Variants in POGK observed in about 807,000 individuals in gnomAD.
POGK encodes the protein pogo transposable element with KRAB domain.
POGK carries 16 observed loss-of-function variants against 54.4 expected under a neutral mutation model. The observed-to-expected ratio is 0.29, with a 90% CI of 0.20 to 0.45. POGK has a LOEUF of 0.45. Among genes scored for constraint, POGK ranks in the 20% least tolerant of loss-of-function variants. The probability of loss-of-function intolerance (pLI) is 1.00; values close to 1 mark genes in which losing one functional copy is unlikely to be tolerated. For missense variants in POGK, 515 were observed against 795.6 expected (o/e 0.65, Z 4.24); for synonymous variants, 271 against 302.2 (o/e 0.90, Z 1.07).
chr1:166,847,345 T>C (rs759612177), intron 3 of POGK, 149 bp from the exon 4 acceptor site: 1 of 601,740 alleles, frequency 1.7e-6, no homozygotes, highest in Non-Finnish European at 2.9e-6. Context: ...TTTTCCATTA[T>C]CTTTTTTCTT....
chr1:166,848,490 G>A (rs1473031255), intron 4 of POGK, among the ~76,000 whole-genome samples: 3 of 152,186 alleles, frequency 2.0e-5, no homozygotes, highest in Non-Finnish European at 4.4e-5. Flanking sequence ...TGGTTCTAAA[G>A]GGATATGATT....
chr1:166,845,292 A>T (rs1657798980), intron 2 of POGK, among the ~76,000 whole-genome samples: 1 of 147,216 alleles, frequency 6.8e-6, no homozygotes, highest in Non-Finnish European at 1.5e-5. Flanking sequence ...CAGGAGGCAG[A>T]GGTTGCAGTG....
At chr1:166,839,984 C>G (rs1185839108) in intron 1 of POGK, 3 of 152,276 alleles carry the variant, frequency 2.0e-5, no homozygotes, top group Non-Finnish European at 2.9e-5. Context: ...GCGGCCCCTC[C>G]CACCTCTGCC....
Position 166,849,163 on chromosome 1 carries a change from G to C in POGK, c.584G>C (p.Gly195Ala), listed in dbSNP as rs1657958776. ...DIAGKFQFSR[G>A]MRRSYDAGFK... The stretch of plus-strand genomic sequence containing the variant: ...GCTGGGAAGTTTCAGTTCAGCCGGG[G>C]CATGCGCCGCAGTTACGACGCAGGG... Residue 195 changes from glycine to alanine, a missense_variant, in exon 5 of 6, where the codon GGC becomes GCC. Gly to Ala is a moderately conservative substitution (Grantham distance 60). This residue lies in a region of POGK where 461 missense variants were observed against 743.5 expected (regional missense o/e 0.62). Coordinates refer to ENST00000367876, the MANE Select transcript of POGK (RefSeq NM_017542.5). 3 of 1,614,230 alleles carry C rather than the reference G, an allele frequency of 1.9e-6. No individual in the cohort carries two copies. The highest frequency in any genetic ancestry group is 1.7e-5 in the Admixed American group (1 of 60,036).
At chr1:166,846,528 G>A (rs1657855022) in intron 2 of POGK, 84 bp from the exon 3 acceptor site, 2 of 1,555,168 alleles carry the variant, frequency 1.3e-6, no homozygotes, top group Admixed American at 1.7e-5. Flanking sequence ...GGCTGTGCTG[G>A]GCTGTCTGTA....
chr1:166,842,003 TAA>T (rs1348133144), intron 2 of POGK, among the ~76,000 whole-genome samples: 1 of 143,052 alleles, frequency 7.0e-6, no homozygotes, highest in African/African-American at 2.6e-5. Context: ...TACCTTAATT[TAA>T]AAAAAAAAAA....
At chr1:166,852,381 G>A (rs1426531627) in intron 5 of POGK, 1 of 152,216 alleles carries the variant, frequency 6.6e-6, no homozygotes, top group East Asian at 1.9e-4. Flanking sequence ...TGCTCTTCTA[G>A]TCTGCCACAA....
Position 166,855,189 on chromosome 1 carries a change from C to T in POGK, c.*2619C>T, listed in dbSNP as rs370397452. The T allele has an allele frequency of 4.6e-5, 7 of 152,214 alleles. No individual in the cohort carries two copies. Among genetic ancestry groups the T allele is most frequent in the East Asian group, 1.9e-4 (1 of 5,184 alleles). The allele number at this position is 152,214 out of a possible 1,614,324, so 9.4% of individuals were successfully genotyped here. A position where few individuals can be genotyped will look rare whatever the true frequency, so the allele number is the denominator to read the frequency against. ...CAGAACAACAAAAGAACATGCTAAG[C>T]GAGTCCTCCCACCTGCCTGGTAAAA... On this transcript the variant is annotated 3_prime_UTR_variant, in exon 6 of 6. Transcript: ENST00000367876.
At position 166,850,419 on chromosome 1, in the gene POGK, G is replaced by T. The variant is rs761257479; in HGVS notation, c.*10G>T. On this transcript the variant is annotated 3_prime_UTR_variant, in exon 5 of 6. Coordinates refer to ENST00000367876, the MANE Select transcript of POGK (RefSeq NM_017542.5). The stretch of plus-strand genomic sequence containing the variant: ...GGCTGAGAGCAACTGAAGGGAAAGG[G>T]AAAGGTAACCACTCAGGAGTAGATA... The T allele has an allele frequency of 1.3e-6, 2 of 1,594,188 alleles. No homozygotes were observed. The highest frequency in any genetic ancestry group is 4.5e-5 in the East Asian group (2 of 44,862).
intron 2 of POGK, among the ~76,000 whole-genome samples, chr1:166,841,900 C>T (rs1162134107): frequency 6.6e-6 from 1 of 152,078 alleles, no homozygotes; most frequent in Non-Finnish European, 1.5e-5. Flanking sequence ...CTGCCTTGCC[C>T]TAAGGTTACA....
intron 3 of POGK, 151 bp downstream of exon 3, chr1:166,846,889 T>G: frequency 9.1e-7 from 1 of 1,101,276 alleles, no homozygotes; most frequent in Non-Finnish European, 1.3e-6. Context: ...ATTTTTGATT[T>G]GGGCAGTATA....
intron 1 of POGK, 118 bp from the exon 2 acceptor site, chr1:166,840,837 C>T (rs1270316522): frequency 1.5e-6 from 2 of 1,304,962 alleles, no homozygotes; most frequent in Non-Finnish European, 2.1e-6. Context: ...TTACTTCCCT[C>T]CAGCGGGAAC....
intron 2 of POGK, among the ~76,000 whole-genome samples, chr1:166,842,418 A>G (rs543564352): frequency 6.6e-6 from 1 of 152,354 alleles, no homozygotes; most frequent in African/African-American, 2.4e-5. Flanking sequence ...ACAGTTACCA[A>G]GCACAGTGCT....
At position 166,850,427 on chromosome 1, in the gene POGK, A is replaced by G; in HGVS notation, c.*14+4A>G. 1 of 1,586,066 alleles carries G rather than the reference A, an allele frequency of 6.3e-7. No individual in the cohort carries two copies. Among genetic ancestry groups the G allele is most frequent in the Non-Finnish European group, 8.5e-7 (1 of 1,170,732 alleles). On this transcript the variant is annotated splice_donor_region_variant and intron_variant, in intron 5 of 5. Transcript: ENST00000367876. ...GCAACTGAAGGGAAAGGGAAAGGTA[A>G]CCACTCAGGAGTAGATACTCAGTGC...
chr1:166,847,565 T>C lies in POGK; in HGVS notation c.331T>C (p.Trp111Arg). ...GGAGGAGTCTCAGAATTCTGACGAG[T>C]GGCAGCTCCAAGGAGGCACCTCTGC... ...GEEESQNSDE[W>R]QLQGGTSAEN... Residue 111 changes from tryptophan to arginine, a missense_variant, in exon 4 of 6, where the codon TGG becomes CGG. Physicochemically the swap from Trp to Arg is moderately radical, Grantham distance 101. This residue lies in a region of POGK where 461 missense variants were observed against 743.5 expected (regional missense o/e 0.62). Coordinates refer to ENST00000367876, the MANE Select transcript of POGK (RefSeq NM_017542.5). 37 of 1,613,836 alleles carry C rather than the reference T, an allele frequency of 2.3e-5. No individual in the cohort carries two copies. Among genetic ancestry groups the C allele is most frequent in the Non-Finnish European group, 3.1e-5 (36 of 1,179,828 alleles).
chr1:166,850,939 T>C (rs1455909850), intron 5 of POGK: 1 of 152,388 alleles, frequency 6.6e-6, no homozygotes, highest in Non-Finnish European at 1.5e-5. Context: ...ATTTATTATT[T>C]GATTTATTTG....
chr1:166,850,661 C>T (rs1010342872), intron 5 of POGK: 5 of 433,084 alleles, frequency 1.2e-5, no homozygotes, highest in South Asian at 4.2e-5. Context: ...GAGCTCCGCC[C>T]GCTGTCACAG....
chr1:166,851,126 C>CAA (rs1364779036), intron 5 of POGK: 1 of 152,100 alleles, frequency 6.6e-6, no homozygotes, highest in Non-Finnish European at 1.5e-5. Context: ...CAACTTTTTT[C>CAA]TTTCCCTTTT....
intron 3 of POGK, 147 bp downstream of exon 3, chr1:166,846,885 G>A (rs910066766): frequency 1.4e-5 from 16 of 1,127,484 alleles, no homozygotes; most frequent in Non-Finnish European, 1.9e-5. Flanking sequence ...TCCAATTTTT[G>A]ATTTGGGCAG....
Sources: allele counts gnomAD v4.1 joint callset (sites outside exome capture counted in the v4.1 genomes callset), GRCh38; gene constraint gnomAD v4.1.1; regional missense constraint gnomAD v4.1.1; transcripts MANE v1.5; gene names NCBI Gene and HGNC (gene_info 2026-07-23, HGNC 2026-07-21).